Variants in ZMYND8 observed in about 807,000 individuals in gnomAD.
ZMYND8 encodes MYND-type zinc finger-containing chromatin reader ZMYND8.
In ZMYND8, 37 loss-of-function variants were observed where a neutral mutation model predicts 140.8. The ratio of observed to expected loss-of-function variants is 0.26; its 90% confidence interval spans 0.20 to 0.35. ZMYND8 has a LOEUF of 0.35. Among genes scored for constraint, ZMYND8 ranks in the 10% least tolerant of loss-of-function variants. The probability of loss-of-function intolerance (pLI) is 1.00; values close to 1 mark genes in which losing one functional copy is unlikely to be tolerated. For synonymous variants in ZMYND8, 592 were observed against 597.1 expected, an observed-to-expected ratio of 0.99 and a Z score of 0.12; for missense variants, 1,068 against 1,570.0, an observed-to-expected ratio of 0.68 and a Z score of 5.40.
chr20:47,210,711 G>A lies in ZMYND8; in HGVS notation c.*50C>T, dbSNP rs375112962. The A allele has an allele frequency of 2.9e-5, 46 of 1,613,552 alleles. No individual in the cohort carries two copies. The highest frequency in any genetic ancestry group is 4.4e-5 in the South Asian group (4 of 91,064). On this transcript the variant is annotated 3_prime_UTR_variant, in exon 23 of 23. Transcript: ENST00000471951. ...CTTTGTTGTTTCTTCTTTTCCTGGC[G>A]TCTGGGTTTTTCTCCCAATGGGGTG...
At position 47,310,245 on chromosome 20, in the gene ZMYND8, G is replaced by C. The variant is rs116333520; in HGVS notation, c.86-41C>G. Reference sequence around the variant, plus strand: ...GACCACAGGTTTTAAAGCAGTCAGGGAGGCCTGGGCCCCACAGGGAGGAGG... The same window carrying C: ...GACCACAGGTTTTAAAGCAGTCAGGCAGGCCTGGGCCCCACAGGGAGGAGG... On this transcript the variant is annotated intron_variant, in intron 2 of 22. Transcript: ENST00000471951. 1.0e-3 allele frequency: 1,601 copies of C among 1,557,608 alleles called. 12 individuals are homozygous for C. The African/African-American group carries it at 0.02, about 20-fold the overall frequency.
chr20:47,310,131 C>T lies in ZMYND8; in HGVS notation c.159G>A (p.Ser53=), dbSNP rs550379713. The change falls in exon 3 of 23, where the codon TCG becomes TCA. Residue 53 remains serine, a synonymous_variant. Coordinates refer to ENST00000471951, the MANE Select transcript of ZMYND8 (RefSeq NM_001281775.3). The part of the protein sequence containing the change: ...PSPPHSSNGH[S]PQDTSTSPIK... ...TGGGGCTTGTTGATGTGTCCTGCGG[C>T]GAGTGGCCATTGGAAGAATGTGGAG... The T allele has an allele frequency of 1.1e-4, 184 of 1,613,820 alleles. 2 individuals are homozygous for T. The South Asian group carries it at 1.8e-3, about 16-fold the overall frequency.
chr20:47,342,689 T>C (rs1456017299), intron 2 of ZMYND8, among the ~76,000 whole-genome samples: 4 of 150,436 alleles, frequency 2.7e-5, no homozygotes, highest in Admixed American at 2.0e-4. Context: ...CTACTACAAA[T>C]ACAAAAAAAT....
At chr20:47,270,532 G>A (rs529890314) in intron 11 of ZMYND8, among the ~76,000 whole-genome samples, 8 of 151,640 alleles carry the variant, frequency 5.3e-5, no homozygotes, top group Non-Finnish European at 8.8e-5. Flanking sequence ...TTAATGTGAT[G>A]TAGCTTTTAT....
Position 47,276,802 on chromosome 20 carries a change from G to A in ZMYND8, c.999-7C>T, listed in dbSNP as rs1467495224. ...ATTTATTGGAACCCAGGCCCTAGAA[G>A]GGCAAAAGATAAAGAGAGTTTAAGT... is the stretch of plus-strand genomic sequence containing the variant. On this transcript the variant is annotated splice_region_variant and splice_polypyrimidine_tract_variant and intron_variant, in intron 10 of 22. Transcript: ENST00000471951. 6.3e-7 allele frequency: 1 copy of A among 1,589,918 alleles called. No homozygotes were observed. The highest frequency in any genetic ancestry group is 8.5e-7 in the Non-Finnish European group (1 of 1,170,762).
At chr20:47,247,080 A>G (rs1363713404) in intron 13 of ZMYND8, among the ~76,000 whole-genome samples, 1 of 152,236 alleles carries the variant, frequency 6.6e-6, no homozygotes, top group Non-Finnish European at 1.5e-5. Context: ...CAAACAGCCC[A>G]CAAGCCACAT....
At chr20:47,299,352 G>A (rs745892652) in intron 3 of ZMYND8, among the ~76,000 whole-genome samples, 9 of 152,098 alleles carry the variant, frequency 5.9e-5, no homozygotes, top group Non-Finnish European at 1.2e-4. Flanking sequence ...AACACTTCAT[G>A]GTACTGTGTT....
intron 4 of ZMYND8, 68 bp from the exon 5 acceptor site, chr20:47,294,847 C>T (rs2077540821): frequency 2.8e-6 from 4 of 1,441,286 alleles, no homozygotes; most frequent in African/African-American, 2.8e-5. Flanking sequence ...GTACTGATTT[C>T]TATTTTTTCA....
chr20:47,340,006 G>A (rs1400526010), intron 2 of ZMYND8, among the ~76,000 whole-genome samples: 4 of 151,790 alleles, frequency 2.6e-5, no homozygotes, highest in Admixed American at 6.6e-5. Flanking sequence ...GCAGGGGCAC[G>A]ATCTCAGCTC....
chr20:47,232,404 T>A (rs1342650900), intron 16 of ZMYND8, among the ~76,000 whole-genome samples: 2 of 149,642 alleles, frequency 1.3e-5, no homozygotes, highest in African/African-American at 5.0e-5. Flanking sequence ...AATAAAGTTT[T>A]GCCAAAAGTG....
At chr20:47,355,452 A>G (rs931868302) in intron 1 of ZMYND8, 1 of 985,324 alleles carries the variant, frequency 1.0e-6, no homozygotes, top group African/African-American at 1.7e-5. Context: ...TTACTTACCC[A>G]ACAAATGTTC....
chr20:47,321,211 C>T (rs1031053350), intron 2 of ZMYND8, among the ~76,000 whole-genome samples: 2 of 152,220 alleles, frequency 1.3e-5, no homozygotes, highest in African/African-American at 4.8e-5. Context: ...CCAGGGATCA[C>T]GTCTGTATCC....
intron 1 of ZMYND8, chr20:47,352,359 C>T: frequency 1.3e-6 from 1 of 763,414 alleles, no homozygotes; most frequent in Non-Finnish European, 1.6e-6. Context: ...CAAACAGCCA[C>T]CAAATACCCA....
intron 12 of ZMYND8, among the ~76,000 whole-genome samples, chr20:47,251,837 G>A (rs1174689194): frequency 4.0e-5 from 6 of 148,656 alleles, no homozygotes; most frequent in Non-Finnish European, 7.4e-5. Context: ...GCCCCGCCCC[G>A]CACCATCTGG....
At position 47,291,810 on chromosome 20, in the gene ZMYND8, A is replaced by G. The variant is rs900990828; in HGVS notation, c.646T>C (p.Cys216Arg). ...AEYIFHPMDL[C>R]TLEKNAKKKM... ...CGGAGGCCAACCTTTTCCAATGTAC[A>G]AAGGTCCATTGGATGGAAGATGTAT... Residue 216 changes from cysteine to arginine, a missense_variant, in exon 6 of 23, where the codon TGT (cysteine) becomes CGT (arginine). Around this residue, in one of 10 missense-constraint regions of ZMYND8, gnomAD observed 109 missense variants for 314.9 expected, o/e 0.35. Transcript: ENST00000471951. 6.2e-7 allele frequency: 1 copy of G among 1,612,580 alleles called. No homozygotes were observed. Among genetic ancestry groups the G allele is most frequent in the Non-Finnish European group, 8.5e-7 (1 of 1,179,350 alleles).
rs759054799 is a variant in ZMYND8, at chr20:47,298,693, C to T, written c.453+36G>A. On this transcript the variant is annotated intron_variant, in intron 4 of 22. Coordinates refer to ENST00000471951, the MANE Select transcript of ZMYND8 (RefSeq NM_001281775.3). This position sits in a 1 kb window ranked among gnomAD's most constrained non-coding sequence, Gnocchi z 5.0. ...AGGAAGAAAGAGAAAGGAGAGGAAA[C>T]GAGGCAGGTAATGCATTCATTCATC... 158 of 1,584,782 alleles carry T rather than the reference C, an allele frequency of 1.0e-4. 1 individual carries two copies. The Admixed American group carries it at 1.1e-3, about 11-fold the overall frequency.
intron 2 of ZMYND8, among the ~76,000 whole-genome samples, chr20:47,321,431 A>G (rs1008361856): frequency 5.9e-5 from 9 of 152,244 alleles, no homozygotes; most frequent in Non-Finnish European, 2.9e-5. Flanking sequence ...GGATGTTGCT[A>G]AACATTCTAC....
In ZMYND8 at chr20:47,298,677, G is replaced by T; in HGVS notation, c.453+52C>A. 1 of 1,561,946 alleles carries T rather than the reference G, an allele frequency of 6.4e-7. No homozygotes were observed. The highest frequency in any genetic ancestry group is 8.7e-7 in the Non-Finnish European group (1 of 1,151,322). On this transcript the variant is annotated intron_variant, in intron 4 of 22. Transcript: ENST00000471951. This position sits in a 1 kb window ranked among gnomAD's most constrained non-coding sequence, Gnocchi z 5.0. ...TAAATTTAAAAATAAAAGGAAGAAA[G>T]AGAAAGGAGAGGAAACGAGGCAGGT...
chr20:47,273,415 G>A (rs1014792056), intron 11 of ZMYND8, among the ~76,000 whole-genome samples: 5 of 152,112 alleles, frequency 3.3e-5, no homozygotes, highest in South Asian at 2.1e-4. Flanking sequence ...GCATGGTAGC[G>A]CATGCCTGTA....
Sources: allele counts gnomAD v4.1 joint callset (sites outside exome capture counted in the v4.1 genomes callset), GRCh38; gene constraint gnomAD v4.1.1; regional missense constraint gnomAD v4.1.1; non-coding constraint Gnocchi (gnomAD v3.1); transcripts MANE v1.5; gene names NCBI Gene and HGNC (gene_info 2026-07-23, HGNC 2026-07-21).